Variants in MAN1A1 observed in about 807,000 individuals in gnomAD.
MAN1A1 encodes mannosidase alpha class 1A member 1.
Under a neutral mutation model 70.8 loss-of-function variants are expected in MAN1A1, and 29 were observed. The ratio of observed to expected loss-of-function variants is 0.41; its 90% CI spans 0.31 to 0.56. MAN1A1 has a LOEUF of 0.56. Ranked by LOEUF, MAN1A1 falls within the 20% of genes least tolerant of loss-of-function variation. The pLI is 0.29. For missense variants in MAN1A1, 747 were observed against 841.3 expected, an observed-to-expected ratio of 0.89 and a Z score of 1.39; for synonymous variants, 349 against 330.1, an observed-to-expected ratio of 1.06 and a Z score of -0.62.
intron 9 of MAN1A1, among the ~76,000 whole-genome samples, chr6:119,191,561 T>C (rs1773442719): frequency 6.6e-6 from 1 of 152,170 alleles, no homozygotes; most frequent in African/African-American, 2.4e-5. Context: ...GAGTACTATA[T>C]ATTTTGTGAT....
At chr6:119,267,376 A>G (rs1234967123) in intron 5 of MAN1A1, among the ~76,000 whole-genome samples, 1 of 152,192 alleles carries the variant, frequency 6.6e-6, no homozygotes, top group African/African-American at 2.4e-5. Context: ...ATAATCTGTA[A>G]TTTACATACA....
chr6:119,251,070 G>A (rs1021493195), intron 5 of MAN1A1, among the ~76,000 whole-genome samples: 1 of 152,026 alleles, frequency 6.6e-6, no homozygotes, highest in East Asian at 1.9e-4. Context: ...TCTCTGATAG[G>A]AGCATAGGCC....
At chr6:119,294,074 C>T (rs1313794873) in intron 4 of MAN1A1, among the ~76,000 whole-genome samples, 2 of 152,066 alleles carry the variant, frequency 1.3e-5, no homozygotes, top group African/African-American at 4.8e-5. Context: ...ACTGGAAAAT[C>T]AGAAACTTTA....
At chr6:119,310,731 G>C (rs9481905) in intron 2 of MAN1A1, among the ~76,000 whole-genome samples, 1,790 of 152,244 alleles carry the variant, frequency 0.012, 37 homozygotes, top group African/African-American at 0.041. Context: ...TGAGAAAGAA[G>C]ACAAGAAAGG....
intron 2 of MAN1A1, among the ~76,000 whole-genome samples, chr6:119,343,812 G>T (rs1011543543): frequency 2.0e-5 from 3 of 152,152 alleles, no homozygotes; most frequent in African/African-American, 7.2e-5. Context: ...ACATACACAA[G>T]ATTATAAAGA....
At chr6:119,248,085 C>T (rs779377013) in intron 6 of MAN1A1, among the ~76,000 whole-genome samples, 175 bp downstream of exon 6, 46 of 152,260 alleles carry the variant, frequency 3.0e-4, no homozygotes, top group Non-Finnish European at 5.7e-4. Flanking sequence ...ATATCTGAGG[C>T]TATGGAACAC....
At chr6:119,202,261 A>G (rs151254894) in intron 7 of MAN1A1, among the ~76,000 whole-genome samples, 5 of 152,214 alleles carry the variant, frequency 3.3e-5, no homozygotes, top group African/African-American at 4.8e-5. Flanking sequence ...AAGTTGTTTA[A>G]CTTTTTAAAC....
intron 5 of MAN1A1, among the ~76,000 whole-genome samples, chr6:119,274,875 T>C (rs1582757186): frequency 6.6e-6 from 1 of 152,236 alleles, no homozygotes; most frequent in Non-Finnish European, 1.5e-5. Flanking sequence ...AATAAAAACA[T>C]GGGAAAGAAA....
intron 5 of MAN1A1, among the ~76,000 whole-genome samples, chr6:119,282,095 A>C (rs1425346037): frequency 6.6e-6 from 1 of 151,920 alleles, no homozygotes; most frequent in Non-Finnish European, 1.5e-5. Flanking sequence ...AACAAAACAA[A>C]ACAACTGAAT....
intron 4 of MAN1A1, among the ~76,000 whole-genome samples, chr6:119,297,770 C>A (rs559011395): frequency 8.9e-6 from 1 of 112,076 alleles, no homozygotes; most frequent in Non-Finnish European, 1.7e-5. Flanking sequence ...GATGGAGTCT[C>A]GCTCTGTCGC....
chr6:119,230,371 T>C (rs1216793477), intron 6 of MAN1A1, among the ~76,000 whole-genome samples: 1 of 152,194 alleles, frequency 6.6e-6, no homozygotes, highest in Non-Finnish European at 1.5e-5. Flanking sequence ...AAGACAAACC[T>C]GAGACCCCAC....
At chr6:119,256,485 T>C (rs1432929489) in intron 5 of MAN1A1, among the ~76,000 whole-genome samples, 1 of 151,448 alleles carries the variant, frequency 6.6e-6, no homozygotes, top group Non-Finnish European at 1.5e-5. Context: ...TTTTATAAAG[T>C]TAAGGAGGCA....
chr6:119,265,197 C>T (rs1413918079), intron 5 of MAN1A1, among the ~76,000 whole-genome samples: 3 of 151,790 alleles, frequency 2.0e-5, no homozygotes, highest in East Asian at 1.9e-4. Context: ...AAAGCCTAGG[C>T]TCCAGTGATC....
At chr6:119,268,403 G>A (rs1315628825) in intron 5 of MAN1A1, among the ~76,000 whole-genome samples, 1 of 151,782 alleles carries the variant, frequency 6.6e-6, no homozygotes, top group East Asian at 1.9e-4. Context: ...CATACTCTTT[G>A]TAAAACAGCA....
chr6:119,179,169 A>C lies in MAN1A1; in HGVS notation c.*650T>G, dbSNP rs1773081688. 1 of 152,436 alleles carries C rather than the reference A, an allele frequency of 6.6e-6. No homozygotes were observed. Among genetic ancestry groups the C allele is most frequent in the Non-Finnish European group, 1.5e-5 (1 of 68,002 alleles). The allele number at this position is 152,436 out of a possible 1,614,324, so 9.4% of individuals were successfully genotyped here. On this transcript the variant is annotated 3_prime_UTR_variant, in exon 13 of 13. Transcript: ENST00000368468. ...CACATTTACAAAATAGAAAACACTA[A>C]TATAATTAACCAACAAAAATATACT...
rs576756904 is a variant in MAN1A1, at chr6:119,252,274, A to G, written c.898-3920T>C. Among the ~76,000 whole-genome samples the G allele has an allele frequency of 6.6e-5, 10 of 152,334 alleles. No individual in the cohort carries two copies. In the East Asian group the frequency reaches 1.9e-3, roughly 29 times the overall value. ...ACATTCTTAAATGTGGTTATGTTACATATAATTTTAATGGGCATTTCTCGC... is the reference window on the plus strand; with the variant it reads ...ACATTCTTAAATGTGGTTATGTTACGTATAATTTTAATGGGCATTTCTCGC... On this transcript the variant is annotated intron_variant, in intron 5 of 12. Transcript: ENST00000368468.
chr6:119,214,016 G>A (rs1338170826), intron 6 of MAN1A1, among the ~76,000 whole-genome samples: 1 of 152,036 alleles, frequency 6.6e-6, no homozygotes, highest in Non-Finnish European at 1.5e-5. Context: ...CCAGGCTGGA[G>A]TGCAGTGGCA....
chr6:119,278,651 GA>G (rs1397246642), intron 5 of MAN1A1, among the ~76,000 whole-genome samples: 5 of 152,086 alleles, frequency 3.3e-5, no homozygotes, highest in African/African-American at 1.2e-4. Flanking sequence ...ATCTCATCTT[GA>G]AATGTGCCCC....
rs79535158 is a variant in MAN1A1 at position 119,326,851 on chromosome 6, A to T, written c.604-19859T>A. Reference sequence around the variant, plus strand: ...ATGGGGATTACAATTCAAATGAGATATGGGTGAGGACACAAAGCCTAACCA... The same window carrying T: ...ATGGGGATTACAATTCAAATGAGATTTGGGTGAGGACACAAAGCCTAACCA... On this transcript the variant is annotated intron_variant, in intron 2 of 12. Transcript: ENST00000368468. Among the ~76,000 whole-genome samples, 895 of 152,296 alleles carry T rather than the reference A, an allele frequency of 5.9e-3. 30 individuals are homozygous for T. In the East Asian group the frequency reaches 0.09, roughly 15 times the overall value.
Sources: gnomAD v4.1 joint callset for allele counts (sites outside exome capture counted in the v4.1 genomes callset) on GRCh38, gnomAD v4.1.1 for gene constraint, MANE v1.5 for transcripts, NCBI Gene and HGNC (gene_info 2026-07-23, HGNC 2026-07-21) for gene names.